The following DRC9 variants were observed in gnomAD, a reference collection of about 807,000 sequenced individuals.
The protein encoded by DRC9 is dynein regulatory complex protein 9.
At chr3:197,937,101 A>G in the DRC9 span, among the ~76,000 whole-genome samples, 1 of 152,352 alleles carries the variant, frequency 6.6e-6, no homozygotes, top group Middle Eastern at 3.4e-3. Flanking sequence ...GCGATGCCGT[A>G]TTCCAATAAA....
At chr3:197,911,340 C>A in the DRC9 span, among the ~76,000 whole-genome samples, 2 of 152,232 alleles carry the variant, frequency 1.3e-5, no homozygotes, top group South Asian at 4.2e-4. Context: ...AAATACTAGT[C>A]TCTGAAACAA....
chr3:197,889,528 C>A, the DRC9 span: 1 of 1,609,274 alleles, frequency 6.2e-7, no homozygotes, highest in South Asian at 1.1e-5. Flanking sequence ...TAACTCTCTC[C>A]AAGTCCTTCC....
At chr3:197,909,142 G>T in the DRC9 span, among the ~76,000 whole-genome samples, 1 of 152,144 alleles carries the variant, frequency 6.6e-6, no homozygotes, top group African/African-American at 2.4e-5. Context: ...GCTCTAACTT[G>T]CATATCAGTA....
chr3:197,944,254 C>CTTTTTTT, the DRC9 span, among the ~76,000 whole-genome samples: 2 of 144,082 alleles, frequency 1.4e-5, no homozygotes, highest in African/African-American at 2.6e-5. Context: ...ACAACTTACT[C>CTTTTTTT]TTTTTTTTTT....
the DRC9 span, chr3:197,958,256 G>A: frequency 6.6e-6 from 1 of 152,172 alleles, no homozygotes; most frequent in Non-Finnish European, 1.5e-5. Context: ...TCCCAGGCTG[G>A]TCTCGATTCC....
chr3:197,934,479 C>T, the DRC9 span, among the ~76,000 whole-genome samples: 1 of 152,142 alleles, frequency 6.6e-6, no homozygotes, highest in African/African-American at 2.4e-5. Context: ...GCCACGGCGC[C>T]CGGCCAAACG....
At chr3:197,930,804 G>C in the DRC9 span, among the ~76,000 whole-genome samples, 1 of 151,676 alleles carries the variant, frequency 6.6e-6, no homozygotes, top group Non-Finnish European at 1.5e-5. Context: ...GGGAGGCCGA[G>C]GTGGGCGGAT....
chr3:197,901,058 G>T, the DRC9 span, among the ~76,000 whole-genome samples: 1 of 152,120 alleles, frequency 6.6e-6, no homozygotes, highest in Non-Finnish European at 1.5e-5. The surrounding 1 kb of genome is among the most constrained non-coding windows in gnomAD (Gnocchi z 4.4). Flanking sequence ...AAAGTAAAAG[G>T]GGACTCTGTC....
chr3:197,952,474 TTTTTC>T, the DRC9 span: 1 of 151,588 alleles, frequency 6.6e-6, no homozygotes, highest in African/African-American at 2.4e-5. Context: ...CGCCCCTTGT[TTTTTC>T]TTTTCTTTCT....
chr3:197,907,804 T>C, the DRC9 span, among the ~76,000 whole-genome samples: 1 of 150,580 alleles, frequency 6.6e-6, no homozygotes, highest in Non-Finnish European at 1.5e-5. Flanking sequence ...TCCTCCCAGA[T>C]GAAGTTATCA....
the DRC9 span, chr3:197,956,468 G>A: frequency 6.6e-6 from 1 of 152,208 alleles, no homozygotes; most frequent in African/African-American, 2.4e-5. Flanking sequence ...GTACATGGAG[G>A]TTGGGAATAG....
At chr3:197,945,391 C>G in the DRC9 span, among the ~76,000 whole-genome samples, 1 of 152,292 alleles carries the variant, frequency 6.6e-6, no homozygotes, top group Admixed American at 6.5e-5. Context: ...TCATTGCCAC[C>G]CCTGGCCAAC....
the DRC9 span, among the ~76,000 whole-genome samples, chr3:197,926,433 A>G: frequency 5.9e-5 from 9 of 152,336 alleles, no homozygotes; most frequent in African/African-American, 2.2e-4. Flanking sequence ...CAGCAAGAGG[A>G]GAAAGAAGAA....
chr3:197,945,585 C>A, the DRC9 span: 1 of 1,439,178 alleles, frequency 6.9e-7, no homozygotes, highest in Non-Finnish European at 9.7e-7. Context: ...AATTTAAATA[C>A]ATGTATACAA....
At chr3:197,925,934 TA>T in the DRC9 span, 16 of 788,156 alleles carry the variant, frequency 2.0e-5, no homozygotes, top group Admixed American at 3.6e-5. Flanking sequence ...CTTTTACATG[TA>T]ACTCTTCTCT....
the DRC9 span, chr3:197,892,659 T>C: frequency 1.2e-6 from 2 of 1,612,746 alleles, no homozygotes; most frequent in African/African-American, 1.3e-5. Context: ...GTGTGCTAAG[T>C]CACTGGCCTT....
At chr3:197,894,978 A>C in the DRC9 span, among the ~76,000 whole-genome samples, 1 of 152,052 alleles carries the variant, frequency 6.6e-6, no homozygotes, top group Non-Finnish European at 1.5e-5. Flanking sequence ...TGATTACTTC[A>C]GCCCAGGATT....
the DRC9 span, among the ~76,000 whole-genome samples, chr3:197,899,582 G>A: frequency 1.3e-5 from 2 of 151,956 alleles, no homozygotes; most frequent in African/African-American, 4.8e-5. Context: ...AAAATCCATG[G>A]TATTGATCTT....
the DRC9 span, among the ~76,000 whole-genome samples, chr3:197,904,029 TATATACATAC>T: frequency 2.3e-3 from 226 of 97,996 alleles, 1 homozygote; most frequent in African/African-American, 0.011. Context: ...CATACATATA[TATATACATAC>T]ATATATATAC....
Sources: gnomAD v4.1 joint callset for allele counts (sites outside exome capture counted in the v4.1 genomes callset) on GRCh38, gnomAD v4.1.1 for gene constraint, Gnocchi (gnomAD v3.1) non-coding constraint, MANE v1.5 for transcripts, NCBI Gene and HGNC (gene_info 2026-07-23, HGNC 2026-07-21) for gene names.